The following NHERF2 variants were observed in gnomAD, a reference collection of about 807,000 sequenced individuals.
NHERF2 encodes Na(+)/H(+) exchange regulatory cofactor NHE-RF2.
chr16:2,038,622 G>A, the NHERF2 span: 1 of 277,878 alleles, frequency 3.6e-6, no homozygotes, highest in Non-Finnish European at 6.9e-6. Flanking sequence ...GTGGCCGTAG[G>A]AGCTGCCCCT....
At chr16:2,036,609 G>A in the NHERF2 span, 2 of 1,527,202 alleles carry the variant, frequency 1.3e-6, no homozygotes, top group Non-Finnish European at 1.8e-6. Flanking sequence ...CTGAGCTGGT[G>A]CGCCTCCTGC....
chr16:2,027,243 C>T, the NHERF2 span: 4 of 1,244,122 alleles, frequency 3.2e-6, 1 homozygote, highest in South Asian at 1.0e-4. Context: ...TCGCCCCCGG[C>T]CCGCCGCCCC....
chr16:2,029,759 C>G, the NHERF2 span: 1 of 1,553,596 alleles, frequency 6.4e-7, no homozygotes, highest in Non-Finnish European at 8.7e-7. Context: ...CACCGGCAGC[C>G]ACAGCTCCGA....
the NHERF2 span, chr16:2,036,302 A>G: frequency 6.3e-7 from 1 of 1,592,122 alleles, no homozygotes; most frequent in East Asian, 2.3e-5. Context: ...CAAGAGACTG[A>G]CCCTGTCCGT....
chr16:2,033,412 C>T, the NHERF2 span: 4 of 1,533,224 alleles, frequency 2.6e-6, no homozygotes, highest in African/African-American at 4.1e-5. Context: ...TCCACGGAGC[C>T]CACCCCAGAG....
At chr16:2,027,327 G>T in the NHERF2 span, 3 of 584,588 alleles carry the variant, frequency 5.1e-6, no homozygotes, top group East Asian at 7.6e-5. Context: ...GGGAGGACGC[G>T]GACGTTGTCG....
chr16:2,029,824 C>T, the NHERF2 span: 1 of 1,472,406 alleles, frequency 6.8e-7, no homozygotes, highest in Non-Finnish European at 9.3e-7. Context: ...TAGCCTCTCC[C>T]AGAGGCTCTC....
chr16:2,036,919 G>A, the NHERF2 span: 6 of 1,583,410 alleles, frequency 3.8e-6, no homozygotes, highest in Non-Finnish European at 5.1e-6. Context: ...GGTGCGGTGT[G>A]GTGGCTGAGC....
the NHERF2 span, chr16:2,029,468 C>G: frequency 1.0e-6 from 1 of 981,418 alleles, no homozygotes; most frequent in South Asian, 1.5e-5. Flanking sequence ...AGCCACCCGC[C>G]CATGCAGACC....
chr16:2,031,664 C>T, the NHERF2 span, among the ~76,000 whole-genome samples: 2 of 152,120 alleles, frequency 1.3e-5, no homozygotes, highest in Admixed American at 1.3e-4. Flanking sequence ...TGGCTGGGGA[C>T]AGGGGCTCCA....
chr16:2,038,434 T>C, the NHERF2 span: 1,732 of 220,422 alleles, frequency 7.9e-3, 31 homozygotes, highest in East Asian at 0.11. Flanking sequence ...CCCCTCCCCC[T>C]TGGGACGCGC....
the NHERF2 span, chr16:2,036,870 A>G: frequency 6.2e-7 from 1 of 1,609,790 alleles, no homozygotes; most frequent in African/African-American, 1.3e-5. Context: ...CCCACCGAGG[A>G]GCACGTGGAA....
At chr16:2,033,426 G>A in the NHERF2 span, 43 of 1,531,284 alleles carry the variant, frequency 2.8e-5, no homozygotes, top group Non-Finnish European at 3.7e-5. Context: ...CCCAGAGGCT[G>A]GTACAGGTCA....
the NHERF2 span, among the ~76,000 whole-genome samples, chr16:2,032,112 T>C: frequency 1.3e-5 from 2 of 151,388 alleles, no homozygotes; most frequent in East Asian, 3.9e-4. This position sits in a 1 kb window ranked among gnomAD's most constrained non-coding sequence, Gnocchi z 4.0. Context: ...CTCCGCCTCC[T>C]GGGTTCAAGC....
At chr16:2,029,164 C>T in the NHERF2 span, among the ~76,000 whole-genome samples, 2 of 152,196 alleles carry the variant, frequency 1.3e-5, no homozygotes, top group African/African-American at 2.4e-5. Flanking sequence ...CAAACCTGGA[C>T]GGAGACACAG....
chr16:2,038,044 C>G, the NHERF2 span: 1 of 1,586,604 alleles, frequency 6.3e-7, no homozygotes, highest in Non-Finnish European at 8.6e-7. Flanking sequence ...TGGGCCTCAG[C>G]CTGCCCCGAG....
chr16:2,027,688 A>C, the NHERF2 span, among the ~76,000 whole-genome samples: 4 of 152,076 alleles, frequency 2.6e-5, no homozygotes, highest in African/African-American at 9.7e-5. Flanking sequence ...GTGTGTCTGC[A>C]CCTGTGTGTG....
chr16:2,030,198 G>A, the NHERF2 span, among the ~76,000 whole-genome samples: 1 of 152,256 alleles, frequency 6.6e-6, no homozygotes, highest in Non-Finnish European at 1.5e-5. Flanking sequence ...GAAGGCGCCT[G>A]CATGCTGGGA....
the NHERF2 span, chr16:2,038,253 C>CAGAGAGAG: frequency 1.7e-6 from 1 of 579,868 alleles, no homozygotes; most frequent in South Asian, 1.9e-5. Flanking sequence ...CAGAGAGAGA[C>CAGAGAGAG]AGAGAGAGAG....
Sources: allele counts gnomAD v4.1 joint callset (sites outside exome capture counted in the v4.1 genomes callset), GRCh38; gene constraint gnomAD v4.1.1; non-coding constraint Gnocchi (gnomAD v3.1); transcripts MANE v1.5; gene names NCBI Gene and HGNC (gene_info 2026-07-23, HGNC 2026-07-21).